Variants in PAPPA2 observed in about 807,000 individuals in gnomAD.
PAPPA2 encodes the protein pappalysin-2.
In PAPPA2, 86 loss-of-function variants were observed where a neutral mutation model predicts 176.4. That is an observed-to-expected ratio of 0.49 (90% CI 0.41 to 0.58). PAPPA2 has a LOEUF of 0.58. Among genes scored for constraint, PAPPA2 ranks in the 20% least tolerant of loss-of-function variants. The pLI is 0.00. For missense variants in PAPPA2, 2,073 were observed against 2,256.9 expected (o/e 0.92, Z 1.65); for synonymous variants, 809 against 852.2 (o/e 0.95, Z 0.88).
At chr1:176,599,683 GT>G (rs988758951) in intron 3 of PAPPA2, among the ~76,000 whole-genome samples, 10 of 151,252 alleles carry the variant, frequency 6.6e-5, no homozygotes, top group Non-Finnish European at 1.5e-4. Context: ...ATTTGGAATT[GT>G]TTTTTTGTGT....
At chr1:176,488,923 C>T (rs1652771698) in intron 1 of PAPPA2, among the ~76,000 whole-genome samples, 1 of 152,156 alleles carries the variant, frequency 6.6e-6, no homozygotes, top group Non-Finnish European at 1.5e-5. Flanking sequence ...CTAGTTTTAA[C>T]TCTGCCACTA....
At chr1:176,697,597 G>A (rs1472591039) in intron 7 of PAPPA2, among the ~76,000 whole-genome samples, 3 of 151,934 alleles carry the variant, frequency 2.0e-5, no homozygotes, top group African/African-American at 7.2e-5. Context: ...AATGCTATGG[G>A]GATTAGAAAA....
At chr1:176,627,842 G>A (rs976674078) in intron 3 of PAPPA2, among the ~76,000 whole-genome samples, 4 of 152,186 alleles carry the variant, frequency 2.6e-5, no homozygotes, top group South Asian at 2.1e-4. Context: ...CAGGTCAGAT[G>A]TGAAGGTGAG....
chr1:176,672,173 C>T (rs1039432833), intron 4 of PAPPA2, among the ~76,000 whole-genome samples: 14 of 151,796 alleles, frequency 9.2e-5, no homozygotes, highest in African/African-American at 3.1e-4. Context: ...GGATTACATC[C>T]GTTTTATAAA....
chr1:176,704,970 G>A (rs769329614), intron 9 of PAPPA2, among the ~76,000 whole-genome samples: 5 of 152,044 alleles, frequency 3.3e-5, no homozygotes, highest in African/African-American at 4.8e-5. Flanking sequence ...CTGTTGGGCC[G>A]CATGGCACAA....
At chr1:176,836,910 G>A (rs2102989674) in intron 21 of PAPPA2, 1 of 152,252 alleles carries the variant, frequency 6.6e-6, no homozygotes, top group South Asian at 2.1e-4. Context: ...AACAATGCCT[G>A]GCACATATAG....
chr1:176,537,606 C>G (rs1417915735), intron 1 of PAPPA2, among the ~76,000 whole-genome samples: 1 of 152,172 alleles, frequency 6.6e-6, no homozygotes, highest in Non-Finnish European at 1.5e-5. Flanking sequence ...ACCAAGTCCT[C>G]TGTTCTAAAA....
chr1:176,690,428 C>G lies in PAPPA2; in HGVS notation c.2429C>G (p.Thr810Arg). ...GAPFTNYMSY[T>R]DDNCTDNFTP... Reference sequence around the variant, plus strand: ...CCGTTCACCAACTACATGAGCTACACGGGTATCACCACTGTCTTGTTTTGT... The same window carrying G: ...CCGTTCACCAACTACATGAGCTACAGGGGTATCACCACTGTCTTGTTTTGT... The change falls in exon 5 of 23, where the codon ACG (threonine) becomes AGG (arginine). Residue 810 changes from threonine (T) to arginine (R), a missense_variant and splice_region_variant. Around this residue, in one of 4 missense-constraint regions of PAPPA2, gnomAD observed 1,196 missense variants for 1,330.4 expected, o/e 0.90. Coordinates refer to ENST00000367662, the MANE Select transcript of PAPPA2 (RefSeq NM_020318.3). 6.2e-7 allele frequency: 1 copy of G among 1,613,356 alleles called. No homozygotes were observed. Among genetic ancestry groups the G allele is most frequent in the Non-Finnish European group, 8.5e-7 (1 of 1,179,368 alleles).
intron 1 of PAPPA2, among the ~76,000 whole-genome samples, chr1:176,520,888 G>A (rs1480370353): frequency 6.6e-6 from 1 of 152,158 alleles, no homozygotes; most frequent in Non-Finnish European, 1.5e-5. Context: ...ACTGAAGCAG[G>A]AGGATCACCT....
At chr1:176,482,616 T>A (rs1207333932) in intron 1 of PAPPA2, among the ~76,000 whole-genome samples, 2 of 152,194 alleles carry the variant, frequency 1.3e-5, no homozygotes, top group Admixed American at 6.5e-5. Flanking sequence ...GAATTTGTTA[T>A]TTTTTTCCTG....
chr1:176,594,468 C>T (rs1408985296), intron 2 of PAPPA2, 56 bp from the exon 3 acceptor site: 2 of 1,425,530 alleles, frequency 1.4e-6, no homozygotes, highest in Non-Finnish European at 1.9e-6. Flanking sequence ...TCCCTTTCTC[C>T]ATTCCCCTTT....
intron 2 of PAPPA2, among the ~76,000 whole-genome samples, chr1:176,578,275 G>A (rs1652765896): frequency 6.6e-6 from 1 of 152,164 alleles, no homozygotes; most frequent in Admixed American, 6.5e-5. Context: ...CTAGAAGAAA[G>A]CATCTTAGTA....
chr1:176,647,163 A>T (rs1329934234), intron 3 of PAPPA2, among the ~76,000 whole-genome samples: 3 of 151,638 alleles, frequency 2.0e-5, no homozygotes, highest in African/African-American at 4.8e-5. Flanking sequence ...ATGATCAGTG[A>T]TGTTGAGCAC....
chr1:176,676,968 A>G (rs1659331635), intron 4 of PAPPA2, among the ~76,000 whole-genome samples: 1 of 152,126 alleles, frequency 6.6e-6, no homozygotes, highest in Admixed American at 6.6e-5. Flanking sequence ...GGATATTTAT[A>G]TTTTATTCTT....
At chr1:176,778,812 T>C (rs1216929775) in intron 17 of PAPPA2, among the ~76,000 whole-genome samples, 1 of 152,226 alleles carries the variant, frequency 6.6e-6, no homozygotes, top group African/African-American at 2.4e-5. Context: ...TGCCTGGCTT[T>C]ATAATTAGTG....
intron 17 of PAPPA2, among the ~76,000 whole-genome samples, chr1:176,789,323 G>T (rs1221056273): frequency 6.6e-6 from 1 of 151,594 alleles, no homozygotes. Flanking sequence ...AACACTGCAT[G>T]TTCTCACCCA....
At chr1:176,570,778 C>T (rs1365465033) in intron 2 of PAPPA2, among the ~76,000 whole-genome samples, 1 of 151,706 alleles carries the variant, frequency 6.6e-6, no homozygotes, top group Non-Finnish European at 1.5e-5. Context: ...CCCTCTGGCT[C>T]TCTGCTTACA....
At chr1:176,632,150 AAG>A (rs747989470) in intron 3 of PAPPA2, among the ~76,000 whole-genome samples, 11 of 151,938 alleles carry the variant, frequency 7.2e-5, no homozygotes, top group Admixed American at 2.6e-4. Flanking sequence ...GAAATGGAGA[AAG>A]ATGCTTGTTA....
intron 1 of PAPPA2, among the ~76,000 whole-genome samples, chr1:176,510,760 G>C (rs773979120): frequency 2.0e-5 from 3 of 147,688 alleles, no homozygotes; most frequent in Non-Finnish European, 4.5e-5. Context: ...TAGCACTGAA[G>C]GTAGACTGAG....
Sources: gnomAD v4.1 joint callset for allele counts (sites outside exome capture counted in the v4.1 genomes callset) on GRCh38, gnomAD v4.1.1 for gene constraint, gnomAD v4.1.1 regional missense constraint, MANE v1.5 for transcripts, NCBI Gene and HGNC (gene_info 2026-07-23, HGNC 2026-07-21) for gene names.